CMTM4: variants seen among roughly 807,000 people sequenced by gnomAD.
CMTM4 encodes the protein CKLF-like MARVEL transmembrane domain-containing protein 4.
A neutral mutation model predicts 19.0 loss-of-function variants in CMTM4; 8 were observed. That is an observed-to-expected ratio of 0.42 (90% CI 0.25 to 0.76). CMTM4 has a LOEUF of 0.76. CMTM4 is among the 30% of genes least tolerant of loss of function. The pLI, the probability that CMTM4 is intolerant of heterozygous loss-of-function variation, is 0.27. For synonymous variants in CMTM4, 106 were observed against 121.1 expected, an observed-to-expected ratio of 0.88 and a Z score of 0.82; for missense variants, 228 against 290.2, an observed-to-expected ratio of 0.79 and a Z score of 1.56.
chr16:66,654,515 G>C (rs1176712656), intron 1 of CMTM4, among the ~76,000 whole-genome samples: 1 of 152,140 alleles, frequency 6.6e-6, no homozygotes, highest in Non-Finnish European at 1.5e-5. Flanking sequence ...CCCAGACCCA[G>C]GCCATAACTG....
At position 66,620,837 on chromosome 16, in the gene CMTM4, A is replaced by T. The variant is rs182858938; in HGVS notation, c.*1221T>A. On this transcript the variant is annotated 3_prime_UTR_variant, in exon 4 of 4. Transcript: ENST00000394106. Reference sequence around the variant, plus strand: ...AGATATAATTACTCTCTAATTTTTTAAAAAAACTACTGCATCATGGGGACT... The same window carrying T: ...AGATATAATTACTCTCTAATTTTTTTAAAAAACTACTGCATCATGGGGACT... The T allele has an allele frequency of 5.7e-4, 557 of 985,488 alleles. 7 individuals are homozygous for T. In the African/African-American group the frequency reaches 8.7e-3, roughly 15 times the overall value. The allele number at this position is 985,488 out of a possible 1,614,324, so 61.0% of individuals were successfully genotyped here. A position where few individuals can be genotyped will look rare whatever the true frequency, so the allele number is the denominator to read the frequency against.
Position 66,617,669 on chromosome 16 carries a change from G to A in CMTM4, c.*4389C>T, listed in dbSNP as rs1264424857. 5.6e-6 allele frequency: 6 copies of A among 1,078,328 alleles called. No homozygotes were observed. Among genetic ancestry groups the A allele is most frequent in the Non-Finnish European group, 6.8e-6 (6 of 887,030 alleles). 66.8% of individuals were successfully genotyped at this position (1,078,328 alleles called of 1,614,324 possible). ...TCTTGTGACTTGAATGATATCTGCT[G>A]AGAAGAGAAGAAACACAAGATTCTA... On this transcript the variant is annotated 3_prime_UTR_variant, in exon 4 of 4. Transcript: ENST00000394106.
chr16:66,692,963 C>T (rs1262951184), intron 1 of CMTM4, among the ~76,000 whole-genome samples: 2 of 152,020 alleles, frequency 1.3e-5, no homozygotes, highest in Non-Finnish European at 2.9e-5. Context: ...GTAGCTCACG[C>T]CTATAATCCC....
intron 1 of CMTM4, among the ~76,000 whole-genome samples, chr16:66,667,122 C>T (rs1276942346): frequency 6.6e-5 from 10 of 151,940 alleles, no homozygotes; most frequent in Admixed American, 3.9e-4. Flanking sequence ...GTCGGGAGGT[C>T]GAGACCAGCC....
chr16:66,696,597 G>T lies in CMTM4; in HGVS notation c.-72C>A. On this transcript the variant is annotated 5_prime_UTR_variant, in exon 1 of 4. Transcript: ENST00000394106. The surrounding 1 kb of genome is among the most constrained non-coding windows in gnomAD (Gnocchi z 4.3). ...AGGAGCGGGCGGACTCAGCGGGGCCGCCGCATCGCCGCCGCCGCCGCCGCC... is the reference window on the plus strand; with the variant it reads ...AGGAGCGGGCGGACTCAGCGGGGCCTCCGCATCGCCGCCGCCGCCGCCGCC... The T allele has an allele frequency of 1.1e-6, 1 of 912,384 alleles. No individual in the cohort carries two copies. Among genetic ancestry groups the T allele is most frequent in the Non-Finnish European group, 1.3e-6 (1 of 759,506 alleles). The allele number at this position is 912,384 out of a possible 1,614,324, so 56.5% of individuals were successfully genotyped here.
At chr16:66,650,912 C>T (rs185199646) in intron 1 of CMTM4, among the ~76,000 whole-genome samples, 2 of 152,268 alleles carry the variant, frequency 1.3e-5, no homozygotes, top group Non-Finnish European at 2.9e-5. Flanking sequence ...GGTGACCACA[C>T]GCGCACACAC....
chr16:66,675,972 G>T (rs980480833), intron 1 of CMTM4, among the ~76,000 whole-genome samples: 1 of 151,394 alleles, frequency 6.6e-6, no homozygotes, highest in African/African-American at 2.4e-5. Flanking sequence ...TACTCTTCCC[G>T]CCTCTGCCAC....
chr16:66,614,188 G>C (rs1019565992), downstream of CMTM4, among the ~76,000 whole-genome samples: 1 of 152,242 alleles, frequency 6.6e-6, no homozygotes, highest in Non-Finnish European at 1.5e-5. The surrounding 1 kb of genome is among the most constrained non-coding windows in gnomAD (Gnocchi z 4.9). Context: ...CCCACCTCCT[G>C]CTGTGCAGCC....
chr16:66,670,564 G>A (rs1447256635), intron 1 of CMTM4, among the ~76,000 whole-genome samples: 1 of 151,982 alleles, frequency 6.6e-6, no homozygotes, highest in Non-Finnish European at 1.5e-5. Flanking sequence ...CACTTTGGGA[G>A]GCCGAGGTAG....
chr16:66,681,872 G>A (rs1373989227), intron 1 of CMTM4, among the ~76,000 whole-genome samples: 2 of 152,070 alleles, frequency 1.3e-5, no homozygotes, highest in Non-Finnish European at 2.9e-5. Context: ...GCCTTTCTGG[G>A]CTGGACCCTA....
At chr16:66,695,404 G>A (rs1054029653) in intron 1 of CMTM4, among the ~76,000 whole-genome samples, 2 of 152,160 alleles carry the variant, frequency 1.3e-5, no homozygotes, top group Non-Finnish European at 2.9e-5. Context: ...AGTCTATAAA[G>A]TTTTGAGGCC....
intron 1 of CMTM4, among the ~76,000 whole-genome samples, chr16:66,652,496 T>A (rs1050712543): frequency 6.6e-5 from 10 of 152,234 alleles, no homozygotes; most frequent in Non-Finnish European, 1.3e-4. Context: ...ACAATTTTGA[T>A]ATTTTGGAAT....
the CMTM4 span, among the ~76,000 whole-genome samples, chr16:66,603,188 TG>T: frequency 2.0e-5 from 3 of 152,220 alleles, no homozygotes; most frequent in African/African-American, 7.2e-5. Context: ...TTAAGGCTGC[TG>T]GGCTGCTGTT....
intron 2 of CMTM4, among the ~76,000 whole-genome samples, chr16:66,626,066 G>A (rs1383554463): frequency 6.6e-6 from 1 of 152,222 alleles, no homozygotes; most frequent in Non-Finnish European, 1.5e-5. Flanking sequence ...CCATGAGGGT[G>A]CATGCAGCCA....
chr16:66,655,921 G>A (rs2016390751), intron 1 of CMTM4, among the ~76,000 whole-genome samples: 1 of 152,092 alleles, frequency 6.6e-6, no homozygotes, highest in African/African-American at 2.4e-5. Context: ...ACCAGCCTGA[G>A]CAACATAGTG....
intron 2 of CMTM4, among the ~76,000 whole-genome samples, chr16:66,625,929 T>A (rs926411334): frequency 6.6e-6 from 1 of 152,238 alleles, no homozygotes; most frequent in East Asian, 1.9e-4. Flanking sequence ...GACAAGTGGC[T>A]GCCTCAAGGG....
downstream of CMTM4, chr16:66,613,709 C>G (rs2015469223): frequency 6.6e-6 from 1 of 152,352 alleles, no homozygotes; most frequent in Admixed American, 6.5e-5. Flanking sequence ...GAATCTCTTA[C>G]CCTGAAAAAA....
downstream of CMTM4, among the ~76,000 whole-genome samples, chr16:66,614,166 C>T (rs1193405747): frequency 1.3e-5 from 2 of 152,238 alleles, no homozygotes; most frequent in Non-Finnish European, 2.9e-5. The surrounding 1 kb of genome is among the most constrained non-coding windows in gnomAD (Gnocchi z 4.9). Context: ...GCGGTAATGC[C>T]GTTGCTTGCC....
At chr16:66,604,287 G>C in the CMTM4 span, 1 of 152,458 alleles carries the variant, frequency 6.6e-6, no homozygotes, top group Admixed American at 6.5e-5. Context: ...GCCGGGGACA[G>C]GAGGGGTGGC....
Sources: allele counts gnomAD v4.1 joint callset (sites outside exome capture counted in the v4.1 genomes callset), GRCh38; gene constraint gnomAD v4.1.1; non-coding constraint Gnocchi (gnomAD v3.1); transcripts MANE v1.5; gene names NCBI Gene and HGNC (gene_info 2026-07-23, HGNC 2026-07-21).